Variants in USP31 observed in about 807,000 individuals in gnomAD.
USP31 encodes ubiquitin carboxyl-terminal hydrolase 31.
A neutral mutation model predicts 119.4 loss-of-function variants in USP31; 44 were observed. The ratio of observed to expected loss-of-function variants is 0.37; its 90% CI spans 0.29 to 0.47. USP31 has a LOEUF of 0.47. Ranked by LOEUF, USP31 falls within the 20% of genes least tolerant of loss-of-function variation. The probability of loss-of-function intolerance (pLI) is 0.99; values close to 1 mark genes in which losing one functional copy is unlikely to be tolerated. For missense variants in USP31, 1,643 were observed against 1,730.2 expected, an observed-to-expected ratio of 0.95 and a Z score of 0.89; for synonymous variants, 749 against 705.6, an observed-to-expected ratio of 1.06 and a Z score of -0.97.
At chr16:23,134,564 A>G (rs1013414621) in intron 1 of USP31, among the ~76,000 whole-genome samples, 1 of 152,048 alleles carries the variant, frequency 6.6e-6, no homozygotes, top group Non-Finnish European at 1.5e-5. Flanking sequence ...ACTATACTAC[A>G]CGAGATGGGA....
intron 13 of USP31, among the ~76,000 whole-genome samples, chr16:23,074,166 C>T (rs553674021): frequency 3.2e-4 from 49 of 152,050 alleles, no homozygotes; most frequent in Non-Finnish European, 5.0e-4. Flanking sequence ...GTGTCTGTGG[C>T]GGGGGGAGTG....
chr16:23,125,176 T>G (rs528522332), intron 1 of USP31, among the ~76,000 whole-genome samples: 7 of 152,306 alleles, frequency 4.6e-5, no homozygotes, highest in African/African-American at 1.7e-4. Context: ...AGTCAATGGT[T>G]GTTAAACACC....
At chr16:23,076,072 G>A (rs1900557959) in intron 13 of USP31, among the ~76,000 whole-genome samples, 1 of 152,148 alleles carries the variant, frequency 6.6e-6, no homozygotes, top group Non-Finnish European at 1.5e-5. Context: ...GTGACAAAGT[G>A]AGACCCTGTC....
rs985102408 is a variant in USP31 at position 23,061,531 on chromosome 16, T to C, written c.*6515A>G. ...ATAAAACGTTTCAAACGTAAAAATA[T>C]AAATTCTGCTTCTTAAAAGTGCATA... On this transcript the variant is annotated 3_prime_UTR_variant, in exon 16 of 16. Coordinates refer to ENST00000219689, the MANE Select transcript of USP31 (RefSeq NM_020718.4). The C allele has an allele frequency of 6.6e-6, 1 of 152,644 alleles. No individual in the cohort carries two copies. The highest frequency in any genetic ancestry group is 2.4e-5 in the African/African-American group (1 of 41,458). 9.5% of individuals were successfully genotyped at this position (152,644 alleles called of 1,614,324 possible). A position where few individuals can be genotyped will look rare whatever the true frequency, so the allele number is the denominator to read the frequency against.
At chr16:23,086,790 T>G (rs1901128656) in intron 9 of USP31, among the ~76,000 whole-genome samples, 1 of 152,220 alleles carries the variant, frequency 6.6e-6, no homozygotes, top group Admixed American at 6.5e-5. Context: ...GAATGTGGCC[T>G]GATTAGAACG....
chr16:23,140,148 C>T (rs578215191), intron 1 of USP31, among the ~76,000 whole-genome samples: 1 of 152,294 alleles, frequency 6.6e-6, no homozygotes, highest in East Asian at 1.9e-4. Context: ...CAAGAAGGCT[C>T]AATTGAATCA....
intron 7 of USP31, among the ~76,000 whole-genome samples, chr16:23,089,916 A>G (rs1476883824): frequency 6.6e-6 from 1 of 152,238 alleles, no homozygotes; most frequent in East Asian, 1.9e-4. Context: ...AACTTGGGAC[A>G]TAAGACATAA....
intron 1 of USP31, among the ~76,000 whole-genome samples, chr16:23,124,794 C>G (rs1173896563): frequency 6.6e-6 from 1 of 152,062 alleles, no homozygotes; most frequent in Non-Finnish European, 1.5e-5. Flanking sequence ...GAGGCTGAGG[C>G]AGGAGAATTG....
At chr16:23,116,105 G>C (rs1470819088) in intron 1 of USP31, among the ~76,000 whole-genome samples, 3 of 152,184 alleles carry the variant, frequency 2.0e-5, no homozygotes, top group Non-Finnish European at 4.4e-5. Context: ...CTTTTGGGAA[G>C]AAGGGTAGCT....
chr16:23,142,411 G>C (rs1462202683), intron 1 of USP31, among the ~76,000 whole-genome samples: 1 of 152,180 alleles, frequency 6.6e-6, no homozygotes, highest in Non-Finnish European at 1.5e-5. Flanking sequence ...CTCCAATTCA[G>C]CACCACAGTC....
At chr16:23,125,076 TA>T (rs1467128874) in intron 1 of USP31, among the ~76,000 whole-genome samples, 2 of 152,140 alleles carry the variant, frequency 1.3e-5, no homozygotes, top group African/African-American at 4.8e-5. Flanking sequence ...ATCCCTTTCT[TA>T]TGTCCCAGAC....
At chr16:23,146,966 TAAA>T (rs35550112) in intron 1 of USP31, among the ~76,000 whole-genome samples, 22 of 131,664 alleles carry the variant, frequency 1.7e-4, no homozygotes, top group African/African-American at 4.9e-4. Flanking sequence ...TTGTTCTGTT[TAAA>T]AAAAAAAAAA....
rs187840972 is a variant in USP31 at position 23,119,520 on chromosome 16, G to C, written c.634-11337C>G. Among the ~76,000 whole-genome samples the C allele has an allele frequency of 3.4e-3, 513 of 152,190 alleles. 3 individuals carry two copies. Among genetic ancestry groups the C allele is most frequent in the Admixed American group, 6.1e-3 (93 of 15,296 alleles). ...CCATATAGGACTCAGCATCATACAGGGCTCAGGTTCTTCATTCTAAATGTC... is the reference window on the plus strand; with the variant it reads ...CCATATAGGACTCAGCATCATACAGCGCTCAGGTTCTTCATTCTAAATGTC... On this transcript the variant is annotated intron_variant, in intron 1 of 15. Coordinates refer to ENST00000219689, the MANE Select transcript of USP31 (RefSeq NM_020718.4).
chr16:23,139,743 A>G (rs1381733967), intron 1 of USP31, among the ~76,000 whole-genome samples: 1 of 152,206 alleles, frequency 6.6e-6, no homozygotes, highest in Non-Finnish European at 1.5e-5. Context: ...TCCTCTCTTA[A>G]GTGGGAAGGT....
Position 23,061,453 on chromosome 16 carries a change from CCA to C in USP31, c.*6591_*6592del, listed in dbSNP as rs1899824993. ...AATTTATTGTATTTTGTTACATTTT[CCA>C]CTTTTCTCTTAATTCCAACTGTATA... On this transcript the variant is annotated 3_prime_UTR_variant, in exon 16 of 16. Coordinates refer to ENST00000219689, the MANE Select transcript of USP31 (RefSeq NM_020718.4). 4 of 152,546 alleles carry C rather than the reference CCA, an allele frequency of 2.6e-5. No homozygotes were observed. In the South Asian group the frequency reaches 8.3e-4, roughly 32 times the overall value. 9.4% of individuals were successfully genotyped at this position (152,546 alleles called of 1,614,324 possible).
In USP31 at chr16:23,140,400, T is replaced by A. The variant is rs1274390766; in HGVS notation, c.633+8238A>T. On this transcript the variant is annotated intron_variant, in intron 1 of 15. Transcript: ENST00000219689. ...TGAAGGCCAGGGATTCTGCTAAACA[T>A]CCTACAGTGCCAGGACAGCCCCCAA... Among the ~76,000 whole-genome samples the A allele has an allele frequency of 4.6e-5, 7 of 152,216 alleles. No homozygotes were observed. The East Asian group carries it at 1.2e-3, about 25-fold the overall frequency.
chr16:23,068,562 C>A lies in USP31; in HGVS notation c.3543G>T (p.Val1181=). ...TSTSKPNSPR[V]SQARAGEGRG... is the part of the protein sequence containing the mutation. ...TGCCCTCCCCTGCTCGGGCCTGGCT[C>A]ACCCGAGGGGAATTGGGTTTGGAGG... is the stretch of plus-strand genomic sequence containing the variant. Residue 1181 remains valine, a synonymous_variant, in exon 16 of 16, where the codon GTG becomes GTT. Transcript: ENST00000219689. The A allele has an allele frequency of 6.2e-7, 1 of 1,614,128 alleles. No homozygotes were observed. The highest frequency in any genetic ancestry group is 8.5e-7 in the Non-Finnish European group (1 of 1,180,008).
At chr16:23,102,552 G>C in intron 5 of USP31, 89 bp from the exon 6 acceptor site, 1 of 1,452,514 alleles carries the variant, frequency 6.9e-7, no homozygotes, top group Non-Finnish European at 9.2e-7. Flanking sequence ...CAGACCATCA[G>C]GACTGGCAGT....
At chr16:23,097,224 ATAAAC>A (rs1217873745) in intron 6 of USP31, among the ~76,000 whole-genome samples, 2 of 152,240 alleles carry the variant, frequency 1.3e-5, no homozygotes, top group African/African-American at 4.8e-5. Flanking sequence ...CTCTACACAA[ATAAAC>A]TAGAAAATCT....
Sources: gnomAD v4.1 joint callset for allele counts (sites outside exome capture counted in the v4.1 genomes callset) on GRCh38, gnomAD v4.1.1 for gene constraint, MANE v1.5 for transcripts, NCBI Gene and HGNC (gene_info 2026-07-23, HGNC 2026-07-21) for gene names.